The following LARP4B variants were observed in gnomAD, a reference collection of about 807,000 sequenced individuals.
The protein encoded by LARP4B is La ribonucleoprotein 4B, also known as la-related protein 4B.
In LARP4B, 12 loss-of-function variants were observed where a neutral mutation model predicts 89.8. The observed-to-expected ratio is 0.13, with a 90% CI of 0.09 to 0.22. The LOEUF is 0.22. LARP4B is among the 10% of genes least tolerant of loss of function. The pLI, the probability that LARP4B is intolerant of heterozygous loss-of-function variation, is 1.00. For missense variants in LARP4B, 757 were observed against 947.7 expected, an observed-to-expected ratio of 0.80 and a Z score of 2.64; for synonymous variants, 367 against 363.3, an observed-to-expected ratio of 1.01 and a Z score of -0.12.
At chr10:835,882 G>A (rs186688516) in intron 8 of LARP4B, among the ~76,000 whole-genome samples, 132 of 151,264 alleles carry the variant, frequency 8.7e-4, no homozygotes, top group Non-Finnish European at 1.6e-3. Flanking sequence ...GCAGTGAGCC[G>A]AGGTTGCGCC....
Position 908,664 on chromosome 10 carries a change from G to C in LARP4B, c.-40+22764C>G, listed in dbSNP as rs542631325. On this transcript the variant is annotated intron_variant, in intron 1 of 17. Coordinates refer to ENST00000316157, the MANE Select transcript of LARP4B (RefSeq NM_015155.3). ...CCCCGCACATTTCTTGGTGACCAGC[G>C]GTCACAGAATTCTTCTGGGTTGATT... Among the ~76,000 whole-genome samples, 3 of 152,330 alleles carry C rather than the reference G, an allele frequency of 2.0e-5. No homozygotes were observed. In the South Asian group the frequency reaches 6.2e-4, roughly 32 times the overall value.
chr10:959,198 T>C, the LARP4B span, among the ~76,000 whole-genome samples: 10 of 152,250 alleles, frequency 6.6e-5, no homozygotes, highest in African/African-American at 2.4e-4. Context: ...TTCCTGAAAA[T>C]GTGAGATGTA....
chr10:885,607 T>A (rs770110505), intron 2 of LARP4B, 34 bp downstream of exon 2: 14 of 1,543,760 alleles, frequency 9.1e-6, no homozygotes, highest in South Asian at 1.1e-5. Context: ...AAAAAAGCAA[T>A]GGACTCCCCA....
chr10:814,357 C>A lies in LARP4B; in HGVS notation c.1929+385G>T. 1 of 335,424 alleles carries A rather than the reference C, an allele frequency of 3.0e-6. No individual in the cohort carries two copies. Among genetic ancestry groups the A allele is most frequent in the South Asian group, 2.4e-5 (1 of 41,658 alleles). The allele number at this position is 335,424 out of a possible 1,614,324, so 20.8% of individuals were successfully genotyped here. On this transcript the variant is annotated intron_variant, in intron 17 of 17. Transcript: ENST00000316157. This position sits in a 1 kb window ranked among gnomAD's most constrained non-coding sequence, Gnocchi z 4.4. Reference sequence around the variant, plus strand: ...CAGGGGTTGGAGGCTGGTGGGGCCACCATCTTGCTCTTCCTGTCTCTTCAT... The same window carrying A: ...CAGGGGTTGGAGGCTGGTGGGGCCAACATCTTGCTCTTCCTGTCTCTTCAT...
chr10:919,291 G>A (rs1836914971), intron 1 of LARP4B, among the ~76,000 whole-genome samples: 2 of 152,124 alleles, frequency 1.3e-5, no homozygotes, highest in African/African-American at 2.4e-5. Flanking sequence ...CTCTCTAAGA[G>A]CTGGGTATTA....
chr10:959,508 AT>A, the LARP4B span, among the ~76,000 whole-genome samples: 1 of 13,016 alleles, frequency 7.7e-5, no homozygotes, highest in Non-Finnish European at 1.7e-4. Flanking sequence ...CTCCCCGTCA[AT>A]CCACCTCCCC....
chr10:837,948 A>C (rs1221295878), intron 7 of LARP4B, among the ~76,000 whole-genome samples: 1 of 152,224 alleles, frequency 6.6e-6, no homozygotes, highest in Non-Finnish European at 1.5e-5. Flanking sequence ...ACAAAAAAAA[A>C]AACAGCTGTA....
the LARP4B span, among the ~76,000 whole-genome samples, chr10:976,275 T>TGC: frequency 8.4e-6 from 1 of 118,800 alleles, no homozygotes. Context: ...GCCTGTCACG[T>TGC]AACGTGTGGA....
intron 1 of LARP4B, among the ~76,000 whole-genome samples, chr10:887,332 C>T (rs1292854931): frequency 6.6e-6 from 1 of 151,366 alleles, no homozygotes; most frequent in Non-Finnish European, 1.5e-5. Flanking sequence ...GAAATGATGG[C>T]TATATTAATG....
At chr10:983,850 G>T in the LARP4B span, among the ~76,000 whole-genome samples, 1 of 152,100 alleles carries the variant, frequency 6.6e-6, no homozygotes, top group African/African-American at 2.4e-5. Flanking sequence ...GGATAATTTA[G>T]ACTGTCCAGA....
the LARP4B span, among the ~76,000 whole-genome samples, chr10:964,660 C>T: frequency 1.3e-5 from 2 of 152,206 alleles, no homozygotes. Context: ...GGGTCCAAGC[C>T]TAAGCCCAGA....
chr10:931,358 T>G (rs1384012558), intron 1 of LARP4B, 70 bp downstream of exon 1: 1 of 149,476 alleles, frequency 6.7e-6, no homozygotes, highest in Admixed American at 6.7e-5. Flanking sequence ...GGCGGCGCAG[T>G]GACAGGCGGC....
the LARP4B span, among the ~76,000 whole-genome samples, chr10:963,732 T>G: frequency 6.6e-6 from 1 of 152,230 alleles, no homozygotes; most frequent in Non-Finnish European, 1.5e-5. Flanking sequence ...GGCTCATGGT[T>G]CCAGAGGCTG....
At chr10:841,082 A>G (rs1194508701) in intron 7 of LARP4B, among the ~76,000 whole-genome samples, 1 of 152,206 alleles carries the variant, frequency 6.6e-6, no homozygotes, top group African/African-American at 2.4e-5. Flanking sequence ...TCAACACAGG[A>G]GGCAGAGTTG....
the LARP4B span, among the ~76,000 whole-genome samples, chr10:980,393 C>A: frequency 6.6e-6 from 1 of 152,220 alleles, no homozygotes; most frequent in African/African-American, 2.4e-5. Flanking sequence ...TCACATTTCC[C>A]CTTGGCACTG....
the LARP4B span, among the ~76,000 whole-genome samples, chr10:954,134 G>T: frequency 2.2e-4 from 34 of 152,220 alleles, no homozygotes; most frequent in African/African-American, 8.0e-4. This position sits in a 1 kb window ranked among gnomAD's most constrained non-coding sequence, Gnocchi z 5.0. Context: ...GGATCTCCGT[G>T]GCCTTGGGAA....
chr10:945,178 G>A, the LARP4B span, among the ~76,000 whole-genome samples: 44 of 151,838 alleles, frequency 2.9e-4, 3 homozygotes, highest in South Asian at 6.0e-3. Flanking sequence ...GAGGTCAGGA[G>A]TTCGAGACCA....
At chr10:945,481 T>C in the LARP4B span, among the ~76,000 whole-genome samples, 2 of 151,352 alleles carry the variant, frequency 1.3e-5, no homozygotes, top group Admixed American at 1.3e-4. Flanking sequence ...GGTCAGGAGA[T>C]CGAGACCATC....
intron 8 of LARP4B, among the ~76,000 whole-genome samples, chr10:832,274 A>G (rs893589379): frequency 2.6e-5 from 4 of 151,260 alleles, no homozygotes; most frequent in Admixed American, 6.6e-5. Context: ...CGATCTCCTG[A>G]CCTCGTGATC....
Sources: allele counts gnomAD v4.1 joint callset (sites outside exome capture counted in the v4.1 genomes callset), GRCh38; gene constraint gnomAD v4.1.1; non-coding constraint Gnocchi (gnomAD v3.1); transcripts MANE v1.5; gene names NCBI Gene and HGNC (gene_info 2026-07-23, HGNC 2026-07-21).